Variants in PHF3 observed in about 807,000 individuals in gnomAD.
PHF3 encodes the protein PHD finger protein 3.
Under a neutral mutation model 178.4 loss-of-function variants are expected in PHF3, and 41 were observed. That is an observed-to-expected ratio of 0.23 (90% CI 0.18 to 0.30). The LOEUF (loss-of-function observed/expected upper bound fraction) is 0.30, where lower values mean the gene tolerates loss of function less well. Ranked by LOEUF, PHF3 falls within the 10% of genes least tolerant of loss-of-function variation. The probability of loss-of-function intolerance (pLI) is 1.00; values close to 1 mark genes in which losing one functional copy is unlikely to be tolerated. For synonymous variants in PHF3, 842 were observed against 800.5 expected (o/e 1.05, Z -0.88); for missense variants, 2,346 against 2,398.1 (o/e 0.98, Z 0.45).
At chr6:63,648,518 G>A (rs1224327802) in intron 2 of PHF3, among the ~76,000 whole-genome samples, 1 of 152,088 alleles carries the variant, frequency 6.6e-6, no homozygotes, top group African/African-American at 2.4e-5. Context: ...AGTAATACCT[G>A]TATTCCTACT....
chr6:63,680,492 A>G (rs1766388594), intron 3 of PHF3, among the ~76,000 whole-genome samples: 1 of 144,602 alleles, frequency 6.9e-6, no homozygotes. Flanking sequence ...TTTATTATTC[A>G]TCCATCTATT....
intron 2 of PHF3, among the ~76,000 whole-genome samples, chr6:63,648,005 A>G (rs1582000336): frequency 1.3e-5 from 2 of 152,280 alleles, no homozygotes; most frequent in Non-Finnish European, 1.5e-5. Flanking sequence ...ATACGGCAAT[A>G]CTTAAAGTTG....
chr6:63,667,507 T>C (rs1765730888), intron 2 of PHF3, among the ~76,000 whole-genome samples: 2 of 152,230 alleles, frequency 1.3e-5, no homozygotes, highest in African/African-American at 2.4e-5. Flanking sequence ...TTGAACTTTA[T>C]CATGTATCTT....
At chr6:63,699,778 A>G (rs950156237) in intron 8 of PHF3, among the ~76,000 whole-genome samples, 1 of 151,942 alleles carries the variant, frequency 6.6e-6, no homozygotes, top group Non-Finnish European at 1.5e-5. Context: ...TTTAGTAGAG[A>G]CGGGGTTTCA....
Position 63,698,318 on chromosome 6 carries a change from C to G in PHF3, c.2776C>G (p.Gln926Glu), listed in dbSNP as rs1767321355. 6.2e-7 allele frequency: 1 copy of G among 1,612,712 alleles called. No individual in the cohort carries two copies. The highest frequency in any genetic ancestry group is 8.5e-7 in the Non-Finnish European group (1 of 1,179,038). ...AASASKPSAD[Q>E]IRQSVRHSLK... Reference sequence around the variant, plus strand: ...TTCTGCTTCCAAGCCTTCTGCAGATCAGATCAGGCAAAGTGTCAGACATTC... The same window carrying G: ...TTCTGCTTCCAAGCCTTCTGCAGATGAGATCAGGCAAAGTGTCAGACATTC... The change falls in exon 7 of 16, where the codon CAG (glutamine) becomes GAG (glutamate). Residue 926 changes from glutamine to glutamate, a missense_variant. Around this residue, in one of 8 missense-constraint regions of PHF3, gnomAD observed 252 missense variants for 232.0 expected, o/e 1.09. Coordinates refer to ENST00000262043, the MANE Select transcript of PHF3 (RefSeq NM_001370348.2).
chr6:63,639,335 A>G (rs959790222), intron 1 of PHF3, among the ~76,000 whole-genome samples: 1 of 152,200 alleles, frequency 6.6e-6, no homozygotes, highest in Non-Finnish European at 1.5e-5. Flanking sequence ...AGCTGGGCAC[A>G]TGAAAGCATA....
intron 2 of PHF3, among the ~76,000 whole-genome samples, chr6:63,671,188 A>G (rs988836831): frequency 7.9e-5 from 12 of 152,150 alleles, no homozygotes; most frequent in Non-Finnish European, 1.5e-4. Flanking sequence ...AGTTTACAAC[A>G]ATCGTATGTA....
intron 2 of PHF3, among the ~76,000 whole-genome samples, chr6:63,651,905 T>C (rs1325211524): frequency 6.6e-6 from 1 of 152,216 alleles, no homozygotes; most frequent in African/African-American, 2.4e-5. Flanking sequence ...TTAGTTAGTA[T>C]TCCATTGTGT....
chr6:63,684,129 A>G lies in PHF3; in HGVS notation c.407A>G (p.Glu136Gly). ...TATTTATTTTTTCCCCCTGTGATAG[A>G]ACAAGTAAGAAGTTTGCGACAGAGC... ...PRKSPRLMAQEQVRSLRQSTI... is the reference protein window; with the variant it reads ...PRKSPRLMAQGQVRSLRQSTI... The change falls in exon 4 of 16, where the codon GAA becomes GGA. Residue 136 changes from glutamate to glycine, a missense_variant and splice_region_variant. Transcript: ENST00000262043. 1 of 1,582,748 alleles carries G rather than the reference A, an allele frequency of 6.3e-7. No individual in the cohort carries two copies. Among genetic ancestry groups the G allele is most frequent in the Non-Finnish European group, 8.6e-7 (1 of 1,168,832 alleles).
In PHF3 at chr6:63,650,630, C is replaced by CT. The variant is rs1561940921; in HGVS notation, c.244+3841dup. 4.6e-5 allele frequency among the ~76,000 whole-genome samples: 7 copies of CT among 152,096 alleles called. No individual in the cohort carries two copies. In the South Asian group the frequency reaches 1.4e-3, roughly 32 times the overall value. ...TATCAGTAATAGTGTGATTTAGTCC[C>CT]TTTTTTGGCATATGAATTTTAAACT... On this transcript the variant is annotated intron_variant, in intron 2 of 15. Coordinates refer to ENST00000262043, the MANE Select transcript of PHF3 (RefSeq NM_001370348.2).
chr6:63,643,997 T>C (rs967510508), intron 1 of PHF3, among the ~76,000 whole-genome samples: 49 of 152,168 alleles, frequency 3.2e-4, no homozygotes, highest in African/African-American at 8.9e-4. Context: ...GACCATAACT[T>C]CTGAATGTTG....
At chr6:63,680,398 ATTT>A (rs994238749) in intron 3 of PHF3, among the ~76,000 whole-genome samples, 8 of 117,594 alleles carry the variant, frequency 6.8e-5, no homozygotes, top group African/African-American at 2.5e-4. Context: ...AGCTGGTTTA[ATTT>A]TTTTTTTTTT....
At position 63,721,132 on chromosome 6, in the gene PHF3, AT is replaced by A; in HGVS notation, c.*7427del. The stretch of plus-strand genomic sequence containing the variant: ...CTCATTCTATAATTTGGATCAATGT[AT>A]TTAATGTAAGAATTACCCATAAATT... On this transcript the variant is annotated 3_prime_UTR_variant, in exon 16 of 16. Coordinates refer to ENST00000262043, the MANE Select transcript of PHF3 (RefSeq NM_001370348.2). The A allele has an allele frequency of 6.4e-7, 1 of 1,551,504 alleles. No homozygotes were observed. The highest frequency in any genetic ancestry group is 8.7e-7 in the Non-Finnish European group (1 of 1,146,780).
chr6:63,688,078 G>A (rs1026852898), intron 4 of PHF3, among the ~76,000 whole-genome samples: 9 of 151,158 alleles, frequency 6.0e-5, no homozygotes, highest in Admixed American at 1.3e-4. Context: ...CAGCTACTTG[G>A]GAGGCTGAGG....
chr6:63,698,676 C>G, intron 8 of PHF3, 71 bp downstream of exon 8: 1 of 1,033,006 alleles, frequency 9.7e-7, no homozygotes, highest in Non-Finnish European at 1.4e-6. Context: ...GATTGTAATA[C>G]AGTAGATCTA....
intron 14 of PHF3, among the ~76,000 whole-genome samples, chr6:63,710,532 A>G (rs1767881610): frequency 6.6e-6 from 1 of 152,186 alleles, no homozygotes; most frequent in South Asian, 2.1e-4. Context: ...GAACACTACC[A>G]AATTAATAAC....
intron 10 of PHF3, among the ~76,000 whole-genome samples, chr6:63,703,162 G>A (rs1192872756): frequency 6.6e-6 from 1 of 152,222 alleles, no homozygotes; most frequent in African/African-American, 2.4e-5. Context: ...ACAGGTGTGA[G>A]CCACCGTGCC....
chr6:63,686,670 G>C (rs963478122), intron 4 of PHF3, among the ~76,000 whole-genome samples: 5 of 152,188 alleles, frequency 3.3e-5, no homozygotes, highest in African/African-American at 1.2e-4. Context: ...ATGAAGTGGA[G>C]TTTGCAGCTA....
At chr6:63,677,364 A>C (rs1391352241) in intron 2 of PHF3, among the ~76,000 whole-genome samples, 1 of 152,134 alleles carries the variant, frequency 6.6e-6, no homozygotes, top group Non-Finnish European at 1.5e-5. Flanking sequence ...AGAAGGCTTT[A>C]TCAAAGGCTG....
Sources: allele counts gnomAD v4.1 joint callset (sites outside exome capture counted in the v4.1 genomes callset), GRCh38; gene constraint gnomAD v4.1.1; regional missense constraint gnomAD v4.1.1; transcripts MANE v1.5; gene names NCBI Gene and HGNC (gene_info 2026-07-23, HGNC 2026-07-21).